KRT74: variants seen among roughly 807,000 people sequenced by gnomAD.
KRT74 encodes keratin 74, also known as keratin, type II cytoskeletal 74.
Under a neutral mutation model 42.7 loss-of-function variants are expected in KRT74, and 43 were observed. The observed-to-expected ratio is 1.01, with a 90% confidence interval of 0.79 to 1.30. KRT74 has a LOEUF of 1.30. KRT74 is among the 50% of genes most tolerant of loss of function. The pLI is 0.00. For synonymous variants in KRT74, 302 were observed against 279.0 expected (o/e 1.08, Z -0.82); for missense variants, 736 against 689.1 (o/e 1.07, Z -0.76).
chr12:52,571,855 C>T (rs1460273763), intron 3 of KRT74, 89 bp downstream of exon 3: 2 of 948,200 alleles, frequency 2.1e-6, no homozygotes, highest in Non-Finnish European at 3.5e-6. Context: ...CACCAGCCCC[C>T]TCCCCAGCCT....
intron 6 of KRT74, 151 bp downstream of exon 6, chr12:52,569,708 C>T (rs1939440889): frequency 2.0e-6 from 2 of 977,080 alleles, no homozygotes; most frequent in African/African-American, 3.2e-5. Flanking sequence ...TGGTAGGGTA[C>T]CGAGGCAGGG....
chr12:52,569,409 T>TA, intron 6 of KRT74: 1 of 504,766 alleles, frequency 2.0e-6, no homozygotes, highest in Non-Finnish European at 3.5e-6. Flanking sequence ...CAGAGGCGCC[T>TA]GATGCATACC....
intron 3 of KRT74, 85 bp downstream of exon 3, chr12:52,571,859 C>G: frequency 1.0e-6 from 1 of 986,580 alleles, no homozygotes; most frequent in Non-Finnish European, 1.6e-6. Context: ...AGCCCCCTCC[C>G]CAGCCTCCTG....
At chr12:52,569,587 C>G (rs1241375355) in intron 6 of KRT74, 1 of 599,818 alleles carries the variant, frequency 1.7e-6, no homozygotes, top group South Asian at 2.0e-5. Flanking sequence ...CAGCTGGGGG[C>G]TCTGGGAAAG....
chr12:52,570,941 G>C lies in KRT74; in HGVS notation c.844-108C>G, dbSNP rs118062262. On this transcript the variant is annotated intron_variant, in intron 4 of 8. Transcript: ENST00000305620. ...GGCCCAATAGGCTGCTAGGATCCAC[G>C]GGGACAAAGTAGGGGGAAGAAGTGC... The C allele has an allele frequency of 9.4e-4, 1,197 of 1,276,930 alleles. 5 individuals carry two copies. Among genetic ancestry groups the C allele is most frequent in the South Asian group, 1.8e-3 (144 of 80,516 alleles). 79.1% of individuals were successfully genotyped at this position (1,276,930 alleles called of 1,614,324 possible). A position where few individuals can be genotyped will look rare whatever the true frequency, so the allele number is the denominator to read the frequency against.
chr12:52,572,062 T>C, intron 2 of KRT74, 58 bp from the exon 3 acceptor site: 1 of 1,296,490 alleles, frequency 7.7e-7, no homozygotes, highest in South Asian at 1.2e-5. Flanking sequence ...TTTCTCTTCC[T>C]GCTGGCCAGG....
intron 6 of KRT74, 89 bp downstream of exon 6, chr12:52,569,770 T>C: frequency 6.5e-7 from 1 of 1,541,990 alleles, no homozygotes; most frequent in Non-Finnish European, 8.9e-7. Flanking sequence ...CAGCAGGGGA[T>C]ATTTGCTTGT....
chr12:52,567,691 A>G lies in KRT74; in HGVS notation c.1358T>C (p.Met453Thr). ...RKLLEGEECRMSGENPSSVSI... is the reference protein window; with the variant it reads ...RKLLEGEECRTSGENPSSVSI... The stretch of plus-strand genomic sequence containing the variant: ...CACAGAGGATGGATTCTCACCAGAC[A>G]TCCTGTGAGACAGAAAGTTAGAGAA... Residue 453 changes from methionine to threonine, a missense_variant and splice_region_variant, in exon 8 of 9, where the codon ATG becomes ACG. Met to Thr is a moderately conservative substitution (Grantham distance 81). Coordinates refer to ENST00000305620, the MANE Select transcript of KRT74 (RefSeq NM_175053.4). 2 of 1,610,294 alleles carry G rather than the reference A, an allele frequency of 1.2e-6. No homozygotes were observed. The highest frequency in any genetic ancestry group is 1.7e-6 in the Non-Finnish European group (2 of 1,176,584).
chr12:52,573,239 A>G, intron 1 of KRT74, 68 bp downstream of exon 1: 1 of 1,468,406 alleles, frequency 6.8e-7, no homozygotes, highest in East Asian at 2.3e-5. Context: ...TGTGCAGTCC[A>G]TTCCCAGGCA....
intron 8 of KRT74, 82 bp from the exon 9 acceptor site, chr12:52,567,250 G>T: frequency 8.2e-7 from 1 of 1,215,408 alleles, no homozygotes; most frequent in Non-Finnish European, 1.1e-6. Flanking sequence ...GTCCCCAAGG[G>T]CTTCTCCACA....
At chr12:52,572,109 G>A (rs1481148718) in intron 2 of KRT74, 105 bp from the exon 3 acceptor site, 3 of 870,002 alleles carry the variant, frequency 3.4e-6, no homozygotes, top group Non-Finnish European at 5.9e-6. Context: ...CAGGGTCTCT[G>A]GGGTGAGCAG....
Position 52,567,128 on chromosome 12 carries a change from G to A in KRT74, c.1431C>T (p.Ser477=). The A allele has an allele frequency of 6.2e-7, 1 of 1,606,036 alleles. No homozygotes were observed. Among genetic ancestry groups the A allele is most frequent in the Non-Finnish European group, 8.5e-7 (1 of 1,173,828 alleles). ...SSSSYSYHHP[S]SAGVDLGASA... is the part of the protein sequence containing the mutation. Reference sequence around the variant, plus strand: ...TGGCCCCAAGGTCAACACCCGCAGAGCTGGGGTGGTGGTAGCTGTAGCTGC... The same window carrying A: ...TGGCCCCAAGGTCAACACCCGCAGAACTGGGGTGGTGGTAGCTGTAGCTGC... The change falls in exon 9 of 9, where the codon AGC becomes AGT. Residue 477 remains serine (S), a synonymous_variant. Transcript: ENST00000305620.
chr12:52,568,668 A>G (rs1472187282), intron 6 of KRT74, among the ~76,000 whole-genome samples: 2 of 152,240 alleles, frequency 1.3e-5, no homozygotes, highest in Admixed American at 6.5e-5. Flanking sequence ...GGAGGCCACC[A>G]GTATCTACAG....
chr12:52,569,796 C>T, intron 6 of KRT74, 63 bp downstream of exon 6: 1 of 1,606,146 alleles, frequency 6.2e-7, no homozygotes, highest in Non-Finnish European at 8.5e-7. Flanking sequence ...AAGGGCAGGC[C>T]CCATTTCCTC....
At position 52,572,511 on chromosome 12, in the gene KRT74, C is replaced by A; in HGVS notation, c.628G>T (p.Val210Leu). 1 of 1,614,204 alleles carries A rather than the reference C, an allele frequency of 6.2e-7. No homozygotes were observed. Among genetic ancestry groups the A allele is most frequent in the South Asian group, 1.1e-5 (1 of 91,084 alleles). Residue 210 changes from valine (V) to leucine (L), a missense_variant, in exon 2 of 9, where the codon GTG becomes TTG. Physicochemically the swap from Val to Leu is conservative, Grantham distance 32 (BLOSUM62 1). Coordinates refer to ENST00000305620, the MANE Select transcript of KRT74 (RefSeq NM_175053.4). Reference protein sequence around the residue: ...KQLETLSGDRVRLDSELRSMR... With the variant: ...KQLETLSGDRLRLDSELRSMR... ...CTTCTCAGCTCCGAGTCCAGCCTCA[C>A]CCTGTCCCCAGACAGTGTCTCCAGC...
chr12:52,570,925 G>A (rs1231382398), intron 4 of KRT74, 92 bp from the exon 5 acceptor site: 2 of 1,456,446 alleles, frequency 1.4e-6, no homozygotes, highest in Non-Finnish European at 1.9e-6. Flanking sequence ...TGGCCCAATA[G>A]GCTGCTAGGA....
Position 52,565,804 on chromosome 12 carries a change from A to T in KRT74, c.*1165T>A, listed in dbSNP as rs1460455796. The T allele has an allele frequency of 6.6e-6, 1 of 152,256 alleles. No homozygotes were observed. The highest frequency in any genetic ancestry group is 1.5e-5 in the Non-Finnish European group (1 of 68,044). 9.4% of individuals were successfully genotyped at this position (152,256 alleles called of 1,614,324 possible). A position where few individuals can be genotyped will look rare whatever the true frequency, so the allele number is the denominator to read the frequency against. ...CATACCTCTGACAACACTCAAGGAC[A>T]ACTTAATGAATATACAGCAGAAATT... On this transcript the variant is annotated 3_prime_UTR_variant, in exon 9 of 9. Coordinates refer to ENST00000305620, the MANE Select transcript of KRT74 (RefSeq NM_175053.4).
chr12:52,571,469 CA>C lies in KRT74; in HGVS notation c.748-16del. 1 of 1,602,410 alleles carries C rather than the reference CA, an allele frequency of 6.2e-7. No homozygotes were observed. Among genetic ancestry groups the C allele is most frequent in the Non-Finnish European group, 8.6e-7 (1 of 1,169,416 alleles). On this transcript the variant is annotated splice_polypyrimidine_tract_variant and intron_variant, in intron 3 of 8. Coordinates refer to ENST00000305620, the MANE Select transcript of KRT74 (RefSeq NM_175053.4). Reference sequence around the variant, plus strand: ...GCATCTGCATCCTGCCAAGAGGCCCCAGAGTCATTGGGGGATGCAACCCTCA... The same window carrying C: ...GCATCTGCATCCTGCCAAGAGGCCCCGAGTCATTGGGGGATGCAACCCTCA...
chr12:52,573,722 T>A lies in KRT74; in HGVS notation c.56A>T (p.His19Leu). The stretch of plus-strand genomic sequence containing the variant: ...AGCCTTCCTTGGCACCACTGCCGAA[T>A]GCACACTGAAGTTGCCCTTGTCACC... ...SSGDKGNFSV[H>L]SAVVPRKAVG... is the part of the protein sequence containing the mutation. Residue 19 changes from histidine to leucine, a missense_variant, in exon 1 of 9, where the codon CAT becomes CTT. Transcript: ENST00000305620. 5 of 1,614,110 alleles carry A rather than the reference T, an allele frequency of 3.1e-6. No individual in the cohort carries two copies. The highest frequency in any genetic ancestry group is 3.4e-6 in the Non-Finnish European group (4 of 1,180,048).
Sources: gnomAD v4.1 joint callset for allele counts (sites outside exome capture counted in the v4.1 genomes callset) on GRCh38, gnomAD v4.1.1 for gene constraint, MANE v1.5 for transcripts, NCBI Gene and HGNC (gene_info 2026-07-23, HGNC 2026-07-21) for gene names.